Variants in LAMA2 observed in about 807,000 individuals in gnomAD.
The protein encoded by LAMA2 is laminin subunit alpha-2.
LAMA2 carries 269 observed loss-of-function variants against 364.8 expected under a neutral mutation model. The ratio of observed to expected loss-of-function variants is 0.74; its 90% CI spans 0.67 to 0.82. The LOEUF is 0.82. LAMA2 is among the 40% of genes least tolerant of loss of function. LAMA2 has a pLI of 0.00. For missense variants in LAMA2, 3,807 were observed against 3,873.2 expected (o/e 0.98, Z 0.45); for synonymous variants, 1,379 against 1,370.6 (o/e 1.01, Z -0.14).
rs148060790 is a variant in LAMA2 at position 129,369,996 on chromosome 6, G to T, written c.4959+6G>T. ...TGAACGAGCTGCTGACCAGGGTAAG[G>T]TGGCAAAATTATGAATCTTCTGAAA... On this transcript the variant is annotated splice_donor_region_variant and intron_variant, in intron 34 of 64. Coordinates refer to ENST00000421865, the MANE Select transcript of LAMA2 (RefSeq NM_000426.4). The T allele has an allele frequency of 5.0e-4, 810 of 1,612,122 alleles. No homozygotes were observed. The African/African-American group carries it at 8.7e-3, about 17-fold the overall frequency.
At chr6:128,926,141 T>TTTTTTC (rs1325576298) in intron 1 of LAMA2, among the ~76,000 whole-genome samples, 4 of 152,194 alleles carry the variant, frequency 2.6e-5, no homozygotes, top group African/African-American at 9.7e-5. Context: ...GTTGTGTGCC[T>TTTTTTC]TTTTTCTTTT....
At chr6:129,181,877 A>C (rs1780952367) in intron 10 of LAMA2, among the ~76,000 whole-genome samples, 1 of 151,928 alleles carries the variant, frequency 6.6e-6, no homozygotes, top group African/African-American at 2.4e-5. Context: ...CCCTAGTAGA[A>C]AACCTGTCAA....
At chr6:129,239,062 A>T (rs265382) in intron 12 of LAMA2, among the ~76,000 whole-genome samples, 99,421 of 152,064 alleles carry the variant, frequency 0.65, 34,357 homozygotes, top group Non-Finnish European at 0.77. Context: ...TAATAGCAAC[A>T]ATAACAGGAA....
chr6:128,992,312 A>G (rs1783659443), intron 1 of LAMA2, among the ~76,000 whole-genome samples: 1 of 152,216 alleles, frequency 6.6e-6, no homozygotes, highest in Non-Finnish European at 1.5e-5. Context: ...ATTTCATAGC[A>G]GGAGCGGGTA....
chr6:129,197,918 C>T (rs565036260), intron 12 of LAMA2, among the ~76,000 whole-genome samples: 2 of 152,186 alleles, frequency 1.3e-5, no homozygotes, highest in African/African-American at 4.8e-5. Context: ...ATTTATAAAG[C>T]ATTAGTTCTA....
intron 1 of LAMA2, among the ~76,000 whole-genome samples, chr6:128,911,379 G>T (rs183840228): frequency 6.6e-6 from 1 of 152,172 alleles, no homozygotes; most frequent in Non-Finnish European, 1.5e-5. Flanking sequence ...CGCAGTATTC[G>T]GGTGGGAGTG....
At chr6:129,400,588 T>C (rs1381033796) in intron 37 of LAMA2, among the ~76,000 whole-genome samples, 1 of 152,160 alleles carries the variant, frequency 6.6e-6, no homozygotes, top group Non-Finnish European at 1.5e-5. Context: ...AGACCCCAAA[T>C]GGAGAAATAG....
intron 10 of LAMA2, among the ~76,000 whole-genome samples, chr6:129,181,572 A>G (rs1233318302): frequency 1.3e-5 from 2 of 152,042 alleles, no homozygotes. Context: ...CAGTCATTGA[A>G]ATTAAAAATT....
intron 1 of LAMA2, among the ~76,000 whole-genome samples, chr6:128,997,482 C>A (rs1283613728): frequency 1.3e-5 from 2 of 152,116 alleles, no homozygotes; most frequent in African/African-American, 4.8e-5. Context: ...AAGACACAAA[C>A]TGGCTATTCA....
chr6:129,060,650 A>G (rs751390863), intron 3 of LAMA2, among the ~76,000 whole-genome samples: 5 of 152,240 alleles, frequency 3.3e-5, no homozygotes, highest in Non-Finnish European at 5.9e-5. Context: ...CAGACACCAT[A>G]CACTGTAAAG....
intron 4 of LAMA2, among the ~76,000 whole-genome samples, chr6:129,120,117 G>A (rs1583076760): frequency 6.6e-6 from 1 of 152,138 alleles, no homozygotes; most frequent in Non-Finnish European, 1.5e-5. Context: ...TTTTAAAGTT[G>A]CCAGAGCAGA....
chr6:129,369,398 G>A (rs992718387), intron 33 of LAMA2, among the ~76,000 whole-genome samples: 1 of 152,160 alleles, frequency 6.6e-6, no homozygotes, highest in Non-Finnish European at 1.5e-5. Flanking sequence ...GCAACACCGA[G>A]GACAGGCCAG....
chr6:129,035,305 T>C (rs535643049), intron 1 of LAMA2, among the ~76,000 whole-genome samples: 10 of 144,804 alleles, frequency 6.9e-5, no homozygotes, highest in African/African-American at 2.8e-4. Context: ...TCTTTTCTTT[T>C]TTTTTTTTTT....
At chr6:129,008,927 G>T (rs576516441) in intron 1 of LAMA2, among the ~76,000 whole-genome samples, 71 of 152,186 alleles carry the variant, frequency 4.7e-4, no homozygotes, top group African/African-American at 1.7e-3. Flanking sequence ...ACTGCAGTGT[G>T]GTCTATGATT....
At chr6:129,384,053 C>G (rs1778843655) in intron 35 of LAMA2, among the ~76,000 whole-genome samples, 1 of 152,134 alleles carries the variant, frequency 6.6e-6, no homozygotes, top group Non-Finnish European at 1.5e-5. Context: ...CAGATTCTGA[C>G]TGATAATTCT....
At chr6:129,181,840 T>C (rs1780947172) in intron 10 of LAMA2, among the ~76,000 whole-genome samples, 1 of 151,684 alleles carries the variant, frequency 6.6e-6, no homozygotes, top group African/African-American at 2.4e-5. Flanking sequence ...AAATCCTCAG[T>C]TTGAGGATGA....
At position 129,514,433 on chromosome 6, in the gene LAMA2, C is replaced by T. The variant is rs2114939109; in HGVS notation, c.9049C>T (p.Pro3017Ser). The change falls in exon 64 of 65, where the codon CCA becomes TCA. Residue 3017 changes from proline to serine, a missense_variant. Transcript: ENST00000421865. ...RFTAVYDAGV[P>S]GHLCDGQWHK... ...CACTGCTGTCTATGATGCTGGGGTT[C>T]CAGGGCATTTGTGTGATGGACAATG... 3 of 1,614,002 alleles carry T rather than the reference C, an allele frequency of 1.9e-6. No homozygotes were observed. The South Asian group carries it at 3.3e-5, about 18-fold the overall frequency.
intron 63 of LAMA2, among the ~76,000 whole-genome samples, chr6:129,513,057 G>A (rs1001588359): frequency 6.6e-6 from 1 of 152,156 alleles, no homozygotes; most frequent in Non-Finnish European, 1.5e-5. Context: ...TTTCAGCCCT[G>A]CATTAAGACA....
At chr6:129,475,341 G>C in intron 52 of LAMA2, 49 bp from the exon 53 acceptor site, 2 of 1,077,826 alleles carry the variant, frequency 1.9e-6, no homozygotes, top group Non-Finnish European at 2.7e-6. Flanking sequence ...GTAATTATAA[G>C]TAAATTGTTT....
Sources: gnomAD v4.1 joint callset for allele counts (sites outside exome capture counted in the v4.1 genomes callset) on GRCh38, gnomAD v4.1.1 for gene constraint, MANE v1.5 for transcripts, NCBI Gene and HGNC (gene_info 2026-07-23, HGNC 2026-07-21) for gene names.